Variants in COL15A1 observed in about 807,000 individuals in gnomAD.
COL15A1 encodes the protein collagen type XV alpha 1 chain, also known as collagen alpha-1(XV) chain.
A neutral mutation model predicts 165.9 loss-of-function variants in COL15A1; 111 were observed. The ratio of observed to expected loss-of-function variants is 0.67; its 90% confidence interval spans 0.57 to 0.78. COL15A1 has a LOEUF of 0.78. Among genes scored for constraint, COL15A1 ranks in the 30% least tolerant of loss-of-function variants. The probability of loss-of-function intolerance (pLI) is 0.00; values close to 1 mark genes in which losing one functional copy is unlikely to be tolerated. For missense variants in COL15A1, 1,745 were observed against 1,789.7 expected, an observed-to-expected ratio of 0.98 and a Z score of 0.45; for synonymous variants, 659 against 674.8, an observed-to-expected ratio of 0.98 and a Z score of 0.36.
At chr9:98,967,714 G>C (rs1837981031) in intron 2 of COL15A1, among the ~76,000 whole-genome samples, 1 of 152,178 alleles carries the variant, frequency 6.6e-6, no homozygotes, top group African/African-American at 2.4e-5. Context: ...CCTGCACCCT[G>C]TGCCTGGGTC....
chr9:99,015,174 CCAGAGAAGTGCTTAG>C (rs1367716820), intron 9 of COL15A1, among the ~76,000 whole-genome samples: 1 of 151,882 alleles, frequency 6.6e-6, no homozygotes, highest in East Asian at 1.9e-4. Flanking sequence ...AAAGCTAAGG[CCAGAGAAGTGCTTAG>C]CAGAGATGTG....
chr9:99,044,540 C>T (rs768837331), intron 24 of COL15A1, 28 bp from the exon 25 acceptor site: 2 of 1,611,252 alleles, frequency 1.2e-6, no homozygotes, highest in Admixed American at 1.7e-5. Context: ...GGAGTCCTGA[C>T]TTCATTGAGA....
chr9:98,969,079 A>G (rs1838002551), intron 2 of COL15A1, among the ~76,000 whole-genome samples: 1 of 152,192 alleles, frequency 6.6e-6, no homozygotes, highest in South Asian at 2.1e-4. Context: ...TCTCATTCAA[A>G]ACTCTACTGG....
At chr9:98,968,610 T>TA (rs1397953729) in intron 2 of COL15A1, among the ~76,000 whole-genome samples, 1 of 152,256 alleles carries the variant, frequency 6.6e-6, no homozygotes, top group Non-Finnish European at 1.5e-5. Context: ...ATGATCTTTT[T>TA]ATCTCAAGAT....
chr9:99,025,534 A>T (rs1052549529), intron 15 of COL15A1, among the ~76,000 whole-genome samples: 1 of 152,220 alleles, frequency 6.6e-6, no homozygotes, highest in African/African-American at 2.4e-5. Context: ...GGTTTATCAG[A>T]TGTAGCCCCA....
chr9:98,970,482 G>T (rs1838029815), intron 2 of COL15A1, among the ~76,000 whole-genome samples: 1 of 152,244 alleles, frequency 6.6e-6, no homozygotes, highest in Admixed American at 6.5e-5. Flanking sequence ...TAAGGGGGTA[G>T]CAGGAGAAGA....
In COL15A1 at chr9:98,985,765, A is replaced by G. The variant is rs770506843; in HGVS notation, c.301A>G (p.Ser101Gly). The G allele has an allele frequency of 1.9e-6, 3 of 1,614,138 alleles. No homozygotes were observed. In the South Asian group the frequency reaches 3.3e-5, roughly 18 times the overall value. ...FAISVVVKPS[S>G]TRGGVLFAIT... ...CATCAGCGTCGTGGTGAAGCCCAGC[A>G]GCACCCGTGGTGGCGTGCTCTTCGC... is the stretch of plus-strand genomic sequence containing the variant. Residue 101 changes from serine to glycine, a missense_variant, in exon 3 of 42, where the codon AGC (serine) becomes GGC (glycine). By Grantham distance (56) the Ser-to-Gly change is moderately conservative. Transcript: ENST00000375001.
intron 2 of COL15A1, among the ~76,000 whole-genome samples, chr9:98,954,055 T>C (rs1564006997): frequency 6.6e-6 from 1 of 152,158 alleles, no homozygotes; most frequent in African/African-American, 2.4e-5. Context: ...AGTTCAGTAG[T>C]AGAGACAGTG....
intron 5 of COL15A1, among the ~76,000 whole-genome samples, chr9:98,990,424 C>A (rs1302545887): frequency 1.3e-5 from 2 of 152,190 alleles, no homozygotes; most frequent in African/African-American, 4.8e-5. Flanking sequence ...TGCCTGCCTA[C>A]CTGGTGATTG....
At chr9:98,971,706 C>A (rs565490367) in intron 2 of COL15A1, among the ~76,000 whole-genome samples, 58 of 152,342 alleles carry the variant, frequency 3.8e-4, no homozygotes, top group African/African-American at 1.3e-3. Context: ...TCTTGCACTG[C>A]GGCTAACTGC....
At chr9:98,973,056 T>C (rs1272767293) in intron 2 of COL15A1, among the ~76,000 whole-genome samples, 1 of 152,202 alleles carries the variant, frequency 6.6e-6, no homozygotes, top group Non-Finnish European at 1.5e-5. Flanking sequence ...AAGAGGATGC[T>C]TTGGAAACAG....
At position 99,049,774 on chromosome 9, in the gene COL15A1, G is replaced by A. The variant is rs200539090; in HGVS notation, c.2862+16G>A. 1.9e-6 allele frequency: 3 copies of A among 1,614,264 alleles called. No individual in the cohort carries two copies. The highest frequency in any genetic ancestry group is 2.5e-6 in the Non-Finnish European group (3 of 1,180,038). On this transcript the variant is annotated intron_variant, in intron 29 of 41. Transcript: ENST00000375001. Reference sequence around the variant, plus strand: ...CATCAAAGGAGTAAGTTGGCACGCAGTGGGAAGACCTTCCCGATTGGCCTA... The same window carrying A: ...CATCAAAGGAGTAAGTTGGCACGCAATGGGAAGACCTTCCCGATTGGCCTA...
intron 34 of COL15A1, 69 bp from the exon 35 acceptor site, chr9:99,056,191 A>C (rs759844440): frequency 7.0e-7 from 1 of 1,427,584 alleles, no homozygotes. Flanking sequence ...TATTCTCATA[A>C]AAGGACTAGA....
At position 98,944,024 on chromosome 9, in the gene COL15A1, C is replaced by CT; in HGVS notation, c.-37dup. On this transcript the variant is annotated 5_prime_UTR_variant, in exon 1 of 42. Transcript: ENST00000375001. ...CGCTAAGCTCCAACGCTCTGCTCGA[C>CT]TAGCCGCGCGCCTTCCGGGGCTCCG... 6.2e-7 allele frequency: 1 copy of CT among 1,613,430 alleles called. No individual in the cohort carries two copies. Among genetic ancestry groups the CT allele is most frequent in the Non-Finnish European group, 8.5e-7 (1 of 1,179,614 alleles).
At chr9:98,961,304 A>G (rs1837862327) in intron 2 of COL15A1, among the ~76,000 whole-genome samples, 1 of 152,236 alleles carries the variant, frequency 6.6e-6, no homozygotes, top group Non-Finnish European at 1.5e-5. Context: ...GGATTGTACA[A>G]AAAGACTCTT....
At chr9:99,032,268 C>A (rs1049617174) in intron 16 of COL15A1, among the ~76,000 whole-genome samples, 23 of 152,124 alleles carry the variant, frequency 1.5e-4, no homozygotes, top group African/African-American at 5.3e-4. Context: ...TCTTGGCTCA[C>A]TGCAACCTCC....
chr9:98,962,553 T>C (rs977974438), intron 2 of COL15A1, among the ~76,000 whole-genome samples: 4 of 152,250 alleles, frequency 2.6e-5, no homozygotes, highest in African/African-American at 9.6e-5. Flanking sequence ...TGGAGTGGAA[T>C]TCAAAACTTA....
chr9:99,021,035 A>G (rs1221018586), intron 12 of COL15A1, among the ~76,000 whole-genome samples: 1 of 152,172 alleles, frequency 6.6e-6, no homozygotes, highest in African/African-American at 2.4e-5. Context: ...CTCTTACCAA[A>G]ACACCTATTG....
chr9:99,051,943 T>C (rs1262364964), intron 30 of COL15A1, among the ~76,000 whole-genome samples: 2 of 152,244 alleles, frequency 1.3e-5, no homozygotes, highest in South Asian at 2.1e-4. Flanking sequence ...ATGCTCATCT[T>C]TGATTACATG....
Sources: gnomAD v4.1 joint callset for allele counts (sites outside exome capture counted in the v4.1 genomes callset) on GRCh38, gnomAD v4.1.1 for gene constraint, MANE v1.5 for transcripts, NCBI Gene and HGNC (gene_info 2026-07-23, HGNC 2026-07-21) for gene names.